The following GSG1L variants were observed in gnomAD, a reference collection of about 807,000 sequenced individuals.
GSG1L encodes the protein GSG1 like, also known as germ cell-specific gene 1-like protein.
GSG1L carries 24 observed loss-of-function variants against 42.1 expected under a neutral mutation model. The ratio of observed to expected loss-of-function variants is 0.57; its 90% CI spans 0.41 to 0.80. GSG1L has a LOEUF of 0.80. Among genes scored for constraint, GSG1L ranks in the 30% least tolerant of loss-of-function variants. GSG1L has a pLI of 0.00. For synonymous variants in GSG1L, 215 were observed against 203.5 expected, an observed-to-expected ratio of 1.06 and a Z score of -0.48; for missense variants, 445 against 472.2, an observed-to-expected ratio of 0.94 and a Z score of 0.53.
chr16:27,791,488 C>A, intron 6 of GSG1L, 21 bp from the exon 7 acceptor site: 1 of 1,447,830 alleles, frequency 6.9e-7, no homozygotes, highest in South Asian at 1.5e-5. Context: ...ACAAGGCGGT[C>A]AGTGCTGAAA....
chr16:27,803,766 C>CATATATATATATATATATATATATATAT (rs3047681), intron 6 of GSG1L, among the ~76,000 whole-genome samples: 4 of 117,912 alleles, frequency 3.4e-5, no homozygotes, highest in East Asian at 2.3e-4. Flanking sequence ...ACAGTGCAGA[C>CATATATATATATATATATATATATATAT]ATATATATAT....
At chr16:27,834,857 T>G (rs1036719370) in intron 4 of GSG1L, among the ~76,000 whole-genome samples, 3 of 152,184 alleles carry the variant, frequency 2.0e-5, no homozygotes, top group African/African-American at 4.8e-5. Context: ...TTTTATCTTG[T>G]CAAAGAACCA....
chr16:27,837,138 T>C lies in GSG1L; in HGVS notation c.662+7812A>G, dbSNP rs1260752292. Among the ~76,000 whole-genome samples the C allele has an allele frequency of 3.3e-5, 5 of 152,280 alleles. No homozygotes were observed. In the South Asian group the frequency reaches 8.3e-4, roughly 25 times the overall value. On this transcript the variant is annotated intron_variant, in intron 4 of 6. Coordinates refer to ENST00000447459, the MANE Select transcript of GSG1L (RefSeq NM_001109763.2). ...GGCTTAGGAGGCCTCAGGAAACTTA[T>C]AATCATGGCAGAAGGTGAAGAGGAA...
At chr16:28,019,372 CGG>C (rs2085814201) in intron 1 of GSG1L, among the ~76,000 whole-genome samples, 1 of 152,144 alleles carries the variant, frequency 6.6e-6, no homozygotes. Flanking sequence ...AGCGCCATGA[CGG>C]TTCAAAGATG....
rs565459064 is a variant in GSG1L at position 27,866,704 on chromosome 16, TG to T, written c.550+17781del. ...TTCCTGCCTCAACCTTCCAAGTAGC[TG>T]GGACTACAGACTTGCACCACCATGC... On this transcript the variant is annotated intron_variant, in intron 3 of 6. Coordinates refer to ENST00000447459, the MANE Select transcript of GSG1L (RefSeq NM_001109763.2). Among the ~76,000 whole-genome samples, 466 of 152,302 alleles carry T rather than the reference TG, an allele frequency of 3.1e-3. 2 individuals are homozygous for T. The highest frequency in any genetic ancestry group is 0.011 in the African/African-American group (437 of 41,558).
chr16:27,866,429 C>A (rs1250288658), intron 3 of GSG1L, among the ~76,000 whole-genome samples: 1 of 152,070 alleles, frequency 6.6e-6, no homozygotes, highest in Non-Finnish European at 1.5e-5. Context: ...GACTATTATC[C>A]CATTTTGGAG....
intron 5 of GSG1L, among the ~76,000 whole-genome samples, chr16:27,825,289 G>C (rs975262592): frequency 4.6e-5 from 7 of 152,156 alleles, no homozygotes; most frequent in Non-Finnish European, 1.0e-4. Flanking sequence ...AAACAAGACG[G>C]CATAGGTCTT....
intron 1 of GSG1L, among the ~76,000 whole-genome samples, chr16:28,038,720 G>A (rs1252840127): frequency 1.3e-5 from 2 of 152,152 alleles, no homozygotes; most frequent in Admixed American, 6.5e-5. Context: ...CTGCCCGCCC[G>A]CTTCTGAGAG....
intron 1 of GSG1L, among the ~76,000 whole-genome samples, chr16:27,982,753 T>C (rs1380250605): frequency 6.6e-6 from 1 of 152,094 alleles, no homozygotes; most frequent in African/African-American, 2.4e-5. Flanking sequence ...GCGTATCACA[T>C]GGTGAGAGCA....
intron 4 of GSG1L, among the ~76,000 whole-genome samples, chr16:27,831,437 C>A (rs2083273395): frequency 1.3e-5 from 2 of 151,994 alleles, no homozygotes; most frequent in African/African-American, 2.4e-5. Flanking sequence ...TCCTTTTTTG[C>A]ATGAGTTAGT....
At chr16:27,869,042 G>A (rs1411881343) in intron 3 of GSG1L, among the ~76,000 whole-genome samples, 1 of 152,228 alleles carries the variant, frequency 6.6e-6, no homozygotes, top group Non-Finnish European at 1.5e-5. Flanking sequence ...GAAGGAAGGA[G>A]GAAGGCAGAT....
chr16:27,938,781 A>C (rs750162382), intron 2 of GSG1L, among the ~76,000 whole-genome samples: 4 of 152,238 alleles, frequency 2.6e-5, no homozygotes, highest in East Asian at 1.9e-4. Context: ...GGAAGTGAGC[A>C]GAACGTCCCT....
chr16:28,055,422 C>T (rs2086268546), intron 1 of GSG1L, among the ~76,000 whole-genome samples: 3 of 151,986 alleles, frequency 2.0e-5, no homozygotes, highest in Admixed American at 2.0e-4. Context: ...CAGGCGTGAG[C>T]CATTGTGCCG....
chr16:28,011,312 G>T (rs1254490398), intron 1 of GSG1L, among the ~76,000 whole-genome samples: 1 of 152,220 alleles, frequency 6.6e-6, no homozygotes, highest in South Asian at 2.1e-4. Flanking sequence ...CGCCTGCAGG[G>T]CATCCTCCGC....
intron 1 of GSG1L, among the ~76,000 whole-genome samples, chr16:28,032,112 T>C (rs764318341): frequency 1.3e-5 from 2 of 152,230 alleles, no homozygotes; most frequent in Non-Finnish European, 2.9e-5. Context: ...TCCGGCTCTT[T>C]TACTGGAAGG....
chr16:27,955,841 A>G (rs2084995128), intron 2 of GSG1L, among the ~76,000 whole-genome samples: 1 of 150,606 alleles, frequency 6.6e-6, no homozygotes, highest in Non-Finnish European at 1.5e-5. Flanking sequence ...ATAATCATTG[A>G]GTCAAAATGG....
At position 27,934,466 on chromosome 16, in the gene GSG1L, C is replaced by T. The variant is rs1054215518; in HGVS notation, c.397+28690G>A. 7.9e-5 allele frequency among the ~76,000 whole-genome samples: 12 copies of T among 152,172 alleles called. No homozygotes were observed. In the East Asian group the frequency reaches 9.7e-4, roughly 12 times the overall value. On this transcript the variant is annotated intron_variant, in intron 2 of 6. Coordinates refer to ENST00000447459, the MANE Select transcript of GSG1L (RefSeq NM_001109763.2). ...AGGAGAATCGCTTGAACCTGGGAGG[C>T]GGAGGTTGCAGTGAGTCTAGATTGC...
At position 28,063,106 on chromosome 16, in the gene GSG1L, AC is replaced by A; in HGVS notation, c.318del (p.Trp106CysfsTer87). On this transcript the variant is annotated frameshift_variant, in exon 1 of 7. Coordinates refer to ENST00000447459, the MANE Select transcript of GSG1L (RefSeq NM_001109763.2). LOFTEE classifies it high-confidence loss of function. This position sits in a 1 kb window ranked among gnomAD's most constrained non-coding sequence, Gnocchi z 5.8. ...CCGCTGAGCTCCTCCTCGCACGAGT[AC>A]CAGATGCCGGTGTGGAAATTCCTGA... Reference protein sequence around the residue: ...FLFRNFHTGIWYSCEEELSGL... With the variant: ...FLFRNFHTGIXYSCEEELSGL... The A allele has an allele frequency of 2.1e-6, 3 of 1,440,466 alleles. No homozygotes were observed. The highest frequency in any genetic ancestry group is 2.5e-5 in the Admixed American group (1 of 40,804). 89.2% of individuals were successfully genotyped at this position (1,440,466 alleles called of 1,614,324 possible). A position where few individuals can be genotyped will look rare whatever the true frequency, so the allele number is the denominator to read the frequency against.
intron 1 of GSG1L, among the ~76,000 whole-genome samples, chr16:27,966,202 CA>C (rs2085131357): frequency 6.6e-6 from 1 of 152,138 alleles, no homozygotes; most frequent in Admixed American, 6.5e-5. Context: ...TCTAAAATTC[CA>C]AATGTCCCTC....
Sources: gnomAD v4.1 joint callset for allele counts (sites outside exome capture counted in the v4.1 genomes callset) on GRCh38, gnomAD v4.1.1 for gene constraint, Gnocchi (gnomAD v3.1) non-coding constraint, MANE v1.5 for transcripts, NCBI Gene and HGNC (gene_info 2026-07-23, HGNC 2026-07-21) for gene names.